The following APC variants were observed in gnomAD, a reference collection of about 807,000 sequenced individuals.
APC encodes APC regulator of Wnt signaling pathway.
In APC, 72 loss-of-function variants were observed where a neutral mutation model predicts 247.0. The ratio of observed to expected loss-of-function variants is 0.29; its 90% CI spans 0.24 to 0.35. APC has a LOEUF of 0.35. Among genes scored for constraint, APC ranks in the 10% least tolerant of loss-of-function variants. APC has a pLI of 1.00. For missense variants in APC, 3,400 were observed against 3,360.7 expected (o/e 1.01, Z -0.29); for synonymous variants, 1,254 against 1,162.5 (o/e 1.08, Z -1.60).
intron 1 of APC, among the ~76,000 whole-genome samples, chr5:112,719,541 CTT>C (rs550443158): frequency 4.2e-4 from 56 of 133,952 alleles, no homozygotes; most frequent in African/African-American, 3.6e-4. Flanking sequence ...AATAATAATT[CTT>C]TTTTTTTTTT....
At chr5:112,779,493 C>G (rs995930095) in intron 5 of APC, among the ~76,000 whole-genome samples, 2 of 152,146 alleles carry the variant, frequency 1.3e-5, no homozygotes, top group African/African-American at 4.8e-5. Flanking sequence ...TTGGCAACAT[C>G]AGCAAATTTA....
At chr5:112,721,231 T>A (rs914464386) in intron 1 of APC, among the ~76,000 whole-genome samples, 1 of 152,040 alleles carries the variant, frequency 6.6e-6, no homozygotes, top group Non-Finnish European at 1.5e-5. Flanking sequence ...CTGGCCAACA[T>A]AGTGAAACTC....
At chr5:112,801,490 C>G (rs918475183) in intron 8 of APC, 107 bp downstream of exon 8, 2 of 802,324 alleles carry the variant, frequency 2.5e-6, no homozygotes, top group African/African-American at 3.5e-5. Context: ...TTTTCTTAGT[C>G]CTGAATGCAT....
At chr5:112,779,355 C>T (rs942803377) in intron 5 of APC, among the ~76,000 whole-genome samples, 1 of 152,164 alleles carries the variant, frequency 6.6e-6, no homozygotes, top group African/African-American at 2.4e-5. Flanking sequence ...CTTAAATGTA[C>T]ATGACAACTC....
At chr5:112,810,516 C>G (rs1761881580) in intron 8 of APC, among the ~76,000 whole-genome samples, 2 of 152,168 alleles carry the variant, frequency 1.3e-5, no homozygotes, top group South Asian at 4.1e-4. Flanking sequence ...CACGGAGAGT[C>G]TAGGTGTATT....
rs1758219108 is a variant in APC, at chr5:112,780,677, T to A, written c.532-113T>A. On this transcript the variant is annotated intron_variant, in intron 5 of 15. Coordinates refer to ENST00000257430, the MANE Select transcript of APC (RefSeq NM_000038.6). ...TAAAAAATAATTTTCTCATGCACCA[T>A]GACTGACGTATTTGCTTATTCATTT... is the stretch of plus-strand genomic sequence containing the variant. 4.0e-6 allele frequency: 3 copies of A among 745,662 alleles called. No homozygotes were observed. In the African/African-American group the frequency reaches 5.3e-5, roughly 13 times the overall value. 46.2% of individuals were successfully genotyped at this position (745,662 alleles called of 1,614,324 possible).
At chr5:112,820,611 C>G (rs1286591248) in intron 10 of APC, among the ~76,000 whole-genome samples, 1 of 152,152 alleles carries the variant, frequency 6.6e-6, no homozygotes, top group Non-Finnish European at 1.5e-5. Context: ...CTTTGGCTAT[C>G]CACAGTTACG....
chr5:112,757,943 C>T (rs1465238814), intron 2 of APC, among the ~76,000 whole-genome samples: 1 of 151,908 alleles, frequency 6.6e-6, no homozygotes, highest in Non-Finnish European at 1.5e-5. Context: ...AGAAAGAATC[C>T]TTGTTTAAAT....
intron 6 of APC, among the ~76,000 whole-genome samples, chr5:112,787,485 T>C (rs577653453): frequency 6.6e-6 from 1 of 152,332 alleles, no homozygotes; most frequent in East Asian, 1.9e-4. Context: ...AGTCAGAATT[T>C]ATCATTAACA....
intron 14 of APC, chr5:112,829,310 T>C: frequency 3.8e-6 from 1 of 263,522 alleles, no homozygotes; most frequent in South Asian, 4.2e-5. Flanking sequence ...GCTATTTGTA[T>C]TTTTAGTAGA....
intron 4 of APC, among the ~76,000 whole-genome samples, chr5:112,768,510 C>T (rs1233073693): frequency 1.3e-5 from 2 of 148,412 alleles, no homozygotes; most frequent in Non-Finnish European, 3.0e-5. Flanking sequence ...AAATGAAATA[C>T]TTCTTTTTTT....
chr5:112,824,897 A>G (rs1237134882), intron 11 of APC, among the ~76,000 whole-genome samples: 2 of 151,710 alleles, frequency 1.3e-5, no homozygotes, highest in African/African-American at 4.8e-5. Flanking sequence ...CTTTCTCTCT[A>G]TGCTTCTGTT....
chr5:112,735,893 A>G (rs999202940), upstream of APC, among the ~76,000 whole-genome samples: 3 of 152,208 alleles, frequency 2.0e-5, no homozygotes, highest in Admixed American at 6.5e-5. Context: ...TCTATGATAC[A>G]TGCAGTAAAA....
intron 1 of APC, among the ~76,000 whole-genome samples, chr5:112,719,541 C>CTT (rs550443158): frequency 3.0e-5 from 4 of 134,114 alleles, no homozygotes; most frequent in African/African-American, 8.3e-5. Flanking sequence ...AATAATAATT[C>CTT]TTTTTTTTTT....
At position 112,838,619 on chromosome 5, in the gene APC, C is replaced by A. The variant is rs750459690; in HGVS notation, c.3025C>A (p.His1009Asn). 1 of 1,614,096 alleles carries A rather than the reference C, an allele frequency of 6.2e-7. No individual in the cohort carries two copies. The highest frequency in any genetic ancestry group is 8.5e-7 in the Non-Finnish European group (1 of 1,180,008). ...CCCAGCCGACCTAGCCCATAAAATA[C>A]ATAGTGCAAATCATATGGATGATAA... ...QYPADLAHKIHSANHMDDNDG... is the reference protein window; with the variant it reads ...QYPADLAHKINSANHMDDNDG... Residue 1009 changes from histidine to asparagine, a missense_variant, in exon 16 of 16, where the codon CAT becomes AAT. Physicochemically the swap from His to Asn is moderately conservative, Grantham distance 68. Coordinates refer to ENST00000257430, the MANE Select transcript of APC (RefSeq NM_000038.6).
Position 112,823,519 on chromosome 5 carries a change from T to G in APC, c.1408+1528T>G, listed in dbSNP as rs1109248. On this transcript the variant is annotated intron_variant, in intron 11 of 15. Coordinates refer to ENST00000257430, the MANE Select transcript of APC (RefSeq NM_000038.6). Reference sequence around the variant, plus strand: ...GATAATAGTACAAGACAGCACAAGGTTTTGGCAGTAAGGGATAAGGAGAAA... The same window carrying G: ...GATAATAGTACAAGACAGCACAAGGGTTTGGCAGTAAGGGATAAGGAGAAA... Among the ~76,000 whole-genome samples the G allele has an allele frequency of 7.0e-3, 1,059 of 152,156 alleles. 12 individuals carry two copies. The highest frequency in any genetic ancestry group is 0.024 in the African/African-American group (992 of 41,494).
rs1765477259 is a variant in APC at position 112,839,213 on chromosome 5, AAAACCGAACATATGTCTTCAAGCAGTG to A, written c.3621_3647del (p.Thr1208_Glu1216del). 6.2e-7 allele frequency: 1 copy of A among 1,614,074 alleles called. No individual in the cohort carries two copies. ...AAAGAGTTCATCTGGACAAAGCAGT[AAAACCGAACATATGTCTTCAAGCAGTG>A]AGAATACGTCCACACCTTCATCTAA... On this transcript the variant is annotated inframe_deletion, in exon 16 of 16. Transcript: ENST00000257430. This position sits in a 1 kb window ranked among gnomAD's most constrained non-coding sequence, Gnocchi z 5.0.
At chr5:112,738,329 C>T (rs1752567859) in intron 1 of APC, 1 of 985,524 alleles carries the variant, frequency 1.0e-6, no homozygotes, top group Non-Finnish European at 1.2e-6. Context: ...CATTGAAAGG[C>T]TTCTTTTCCT....
chr5:112,822,352 G>A (rs1763233241), intron 11 of APC, among the ~76,000 whole-genome samples: 1 of 152,166 alleles, frequency 6.6e-6, no homozygotes, highest in African/African-American at 2.4e-5. Context: ...ATGTGGAGCT[G>A]CTGTATTGTG....
Sources: gnomAD v4.1 joint callset for allele counts (sites outside exome capture counted in the v4.1 genomes callset) on GRCh38, gnomAD v4.1.1 for gene constraint, Gnocchi (gnomAD v3.1) non-coding constraint, MANE v1.5 for transcripts, NCBI Gene and HGNC (gene_info 2026-07-23, HGNC 2026-07-21) for gene names.